Variants in AGK observed in about 807,000 individuals in gnomAD.
The protein encoded by AGK is acylglycerol kinase, mitochondrial.
In AGK, 52 loss-of-function variants were observed where a neutral mutation model predicts 66.4. That is an observed-to-expected ratio of 0.78 (90% CI 0.63 to 0.99). AGK has a LOEUF of 0.99. Ranked by LOEUF, AGK falls within the 50% of genes least tolerant of loss-of-function variation. AGK has a pLI of 0.00. For missense variants in AGK, 451 were observed against 506.6 expected, an observed-to-expected ratio of 0.89 and a Z score of 1.05; for synonymous variants, 182 against 181.1, an observed-to-expected ratio of 1.00 and a Z score of -0.04.
At chr7:141,638,792 T>C (rs1797226907) in intron 11 of AGK, among the ~76,000 whole-genome samples, 1 of 152,126 alleles carries the variant, frequency 6.6e-6, no homozygotes, top group Admixed American at 6.5e-5. Flanking sequence ...TGAAGAGAGA[T>C]GAAATTTTCA....
At chr7:141,591,466 C>A (rs13233219) in intron 2 of AGK, among the ~76,000 whole-genome samples, 1 of 152,226 alleles carries the variant, frequency 6.6e-6, no homozygotes, top group South Asian at 2.1e-4. Flanking sequence ...GTGAAGCCGC[C>A]TGCTTTGTGA....
chr7:141,570,637 TTTG>T (rs2116876739), intron 2 of AGK, among the ~76,000 whole-genome samples: 2 of 152,150 alleles, frequency 1.3e-5, no homozygotes, highest in South Asian at 4.2e-4. Flanking sequence ...CTTTTTTTTT[TTTG>T]TTTTTACTGG....
chr7:141,597,890 CAAAAAAAAAAAAAAAAA>C (rs56295907), intron 4 of AGK, among the ~76,000 whole-genome samples: 9 of 71,434 alleles, frequency 1.3e-4, no homozygotes, highest in African/African-American at 3.9e-4. Flanking sequence ...GACTCTGTCT[CAAAAAAAAAAAAAAAAA>C]AAAAAAAAAA....
intron 6 of AGK, among the ~76,000 whole-genome samples, chr7:141,611,938 CA>C (rs1480735466): frequency 6.6e-6 from 1 of 152,136 alleles, no homozygotes; most frequent in Non-Finnish European, 1.5e-5. Context: ...TGTTTTCTTA[CA>C]AAACTGAACA....
chr7:141,635,196 T>C (rs1182897466), intron 10 of AGK, among the ~76,000 whole-genome samples: 4 of 152,224 alleles, frequency 2.6e-5, no homozygotes. Context: ...GATTGGTTTC[T>C]GCACAAAGAA....
intron 2 of AGK, among the ~76,000 whole-genome samples, chr7:141,592,415 C>G (rs1331884964): frequency 6.6e-6 from 1 of 152,204 alleles, no homozygotes; most frequent in African/African-American, 2.4e-5. Context: ...TGCCTCTGAT[C>G]ACAACCACGA....
At chr7:141,593,639 T>TG (rs1192531418) in intron 3 of AGK, 6 of 492,472 alleles carry the variant, frequency 1.2e-5, no homozygotes, top group Non-Finnish European at 2.2e-5. Context: ...CCATATCATG[T>TG]ACACTGTTAT....
rs1453546845 is a variant in AGK, at chr7:141,583,491, G to A, written c.102-9655G>A. 2.0e-5 allele frequency among the ~76,000 whole-genome samples: 3 copies of A among 150,200 alleles called. No homozygotes were observed. In the East Asian group the frequency reaches 5.9e-4, roughly 29 times the overall value. ...GGTAGAGACACGAAGAGAAGGGGTG[G>A]GCGGTGCTTGCCCCCCAGGAAAGTG... On this transcript the variant is annotated intron_variant, in intron 2 of 15. Coordinates refer to ENST00000649286, the MANE Select transcript of AGK (RefSeq NM_018238.4).
chr7:141,600,212 AT>A (rs879791920), intron 4 of AGK, among the ~76,000 whole-genome samples: 33 of 151,698 alleles, frequency 2.2e-4, no homozygotes, highest in Non-Finnish European at 4.0e-4. Context: ...AAAGTACTGG[AT>A]TTTTTTTTCC....
intron 2 of AGK, among the ~76,000 whole-genome samples, chr7:141,578,444 C>T (rs988811070): frequency 6.6e-5 from 10 of 151,862 alleles, no homozygotes; most frequent in African/African-American, 9.7e-5. Flanking sequence ...ACAGGGGATA[C>T]GATGGCTTAG....
chr7:141,552,112 A>G (rs1050962314), intron 1 of AGK, among the ~76,000 whole-genome samples: 10 of 152,110 alleles, frequency 6.6e-5, no homozygotes, highest in Admixed American at 5.2e-4. Context: ...CTACTTTCTA[A>G]AGCTTTCCAA....
At chr7:141,618,445 G>A (rs1008159507) in intron 8 of AGK, among the ~76,000 whole-genome samples, 2 of 152,116 alleles carry the variant, frequency 1.3e-5, no homozygotes, top group African/African-American at 4.8e-5. Context: ...GCTAAAGTAG[G>A]TCTATTTACG....
chr7:141,570,211 C>A (rs999657295), intron 2 of AGK, among the ~76,000 whole-genome samples: 5 of 152,046 alleles, frequency 3.3e-5, no homozygotes, highest in Admixed American at 1.3e-4. Context: ...CATAAGGAAG[C>A]CGCGTCTCTA....
intron 2 of AGK, among the ~76,000 whole-genome samples, chr7:141,578,443 A>G (rs1013202872): frequency 1.3e-5 from 2 of 151,938 alleles, no homozygotes; most frequent in African/African-American, 4.9e-5. Context: ...CACAGGGGAT[A>G]CGATGGCTTA....
intron 13 of AGK, among the ~76,000 whole-genome samples, chr7:141,647,829 C>T (rs142664673): frequency 7.3e-4 from 111 of 152,258 alleles, no homozygotes; most frequent in African/African-American, 2.6e-3. Flanking sequence ...CGCCACCACA[C>T]CCGGCTAGTA....
chr7:141,651,353 A>G (rs1391039213), intron 14 of AGK, among the ~76,000 whole-genome samples, 172 bp from the exon 15 acceptor site: 1 of 152,246 alleles, frequency 6.6e-6, no homozygotes, highest in Non-Finnish European at 1.5e-5. Flanking sequence ...AATGTATCAC[A>G]AGGCTAAGCA....
chr7:141,560,532 T>A (rs1018562879), intron 2 of AGK, among the ~76,000 whole-genome samples: 2 of 151,982 alleles, frequency 1.3e-5, no homozygotes, highest in Admixed American at 6.6e-5. Flanking sequence ...AGTTCTTTAG[T>A]GGTGATTTCT....
chr7:141,615,424 A>G, intron 7 of AGK, 47 bp from the exon 8 acceptor site: 2 of 1,531,626 alleles, frequency 1.3e-6, no homozygotes, highest in Non-Finnish European at 1.8e-6. Context: ...ATTAAGCCTG[A>G]TTTTCTGATC....
At chr7:141,602,886 T>C (rs969991914) in intron 5 of AGK, among the ~76,000 whole-genome samples, 91 of 152,146 alleles carry the variant, frequency 6.0e-4, no homozygotes, top group African/African-American at 2.1e-3. Context: ...TATTTTCAAA[T>C]TTTCCTTGTG....
Sources: allele counts gnomAD v4.1 joint callset (sites outside exome capture counted in the v4.1 genomes callset), GRCh38; gene constraint gnomAD v4.1.1; transcripts MANE v1.5; gene names NCBI Gene and HGNC (gene_info 2026-07-23, HGNC 2026-07-21).